Variants in NME8 observed in about 807,000 individuals in gnomAD.
NME8 encodes the protein NME/NM23 family member 8.
In NME8, 72 loss-of-function variants were observed where a neutral mutation model predicts 82.3. The observed-to-expected ratio is 0.87, with a 90% CI of 0.72 to 1.06. NME8 has a LOEUF of 1.06. NME8 is among the 50% of genes least tolerant of loss of function. The probability of loss-of-function intolerance (pLI) is 0.00; values close to 1 mark genes in which losing one functional copy is unlikely to be tolerated. For synonymous variants in NME8, 267 were observed against 228.5 expected (o/e 1.17, Z -1.52); for missense variants, 712 against 685.4 (o/e 1.04, Z -0.43).
chr7:37,875,232 C>A lies in NME8; in HGVS notation c.819-1600C>A, dbSNP rs149048848. On this transcript the variant is annotated intron_variant, in intron 11 of 17. Coordinates refer to ENST00000199447, the MANE Select transcript of NME8 (RefSeq NM_016616.5). ...GGGACAACTACATGCAATATATAATCCTGGATTAATATAAAAATTACTACA... is the reference window on the plus strand; with the variant it reads ...GGGACAACTACATGCAATATATAATACTGGATTAATATAAAAATTACTACA... Among the ~76,000 whole-genome samples, 153 of 152,100 alleles carry A rather than the reference C, an allele frequency of 1.0e-3. 1 individual carries two copies. The highest frequency in any genetic ancestry group is 3.5e-3 in the African/African-American group (147 of 41,498).
chr7:37,895,572 A>G lies in NME8; in HGVS notation c.1544+962A>G, dbSNP rs138494939. Among the ~76,000 whole-genome samples, 1,348 of 152,286 alleles carry G rather than the reference A, an allele frequency of 8.9e-3. 20 individuals carry two copies. Among genetic ancestry groups the G allele is most frequent in the African/African-American group, 0.031 (1,273 of 41,546 alleles). ...AGTTCATAATTATGTGAACATCATT[A>G]TCGATTTACTATGAGTTACATGTCT... On this transcript the variant is annotated intron_variant, in intron 16 of 17. Transcript: ENST00000199447.
chr7:37,879,126 T>TTATA lies in NME8; in HGVS notation c.994+2131_994+2134dup, dbSNP rs35685455. Among the ~76,000 whole-genome samples the TTATA allele has an allele frequency of 5.4e-3, 816 of 150,118 alleles. 8 individuals are homozygous for TTATA. The highest frequency in any genetic ancestry group is 0.018 in the African/African-American group (755 of 40,942). ...TATCATACAGTATATAGCCTTTTCA[T>TTATA]TATATATATATATATTTGTTTTTAT... On this transcript the variant is annotated intron_variant, in intron 12 of 17. Coordinates refer to ENST00000199447, the MANE Select transcript of NME8 (RefSeq NM_016616.5).
In NME8 at chr7:37,867,689, T is replaced by C; in HGVS notation, c.622-13T>C. ...GGAGCCTGAAGGAAACAGTTTATCA[T>C]TTTATTTTGTAGTGTGACTTCGAAG... On this transcript the variant is annotated splice_polypyrimidine_tract_variant and intron_variant, in intron 10 of 17. Transcript: ENST00000199447. 6.2e-7 allele frequency: 1 copy of C among 1,605,010 alleles called. No homozygotes were observed. Among genetic ancestry groups the C allele is most frequent in the Non-Finnish European group, 8.5e-7 (1 of 1,172,008 alleles).
At chr7:37,887,236 G>T (rs1302014096) in intron 14 of NME8, among the ~76,000 whole-genome samples, 1 of 152,140 alleles carries the variant, frequency 6.6e-6, no homozygotes, top group Non-Finnish European at 1.5e-5. Flanking sequence ...GGATGGTCTG[G>T]TATTATCAGC....
At chr7:37,853,443 AG>A (rs1039612231) in intron 5 of NME8, among the ~76,000 whole-genome samples, 1 of 152,192 alleles carries the variant, frequency 6.6e-6, no homozygotes, top group African/African-American at 2.4e-5. Context: ...TAGAGCCTAA[AG>A]GAGATTGCCA....
At chr7:37,877,288 T>G (rs1445506800) in intron 12 of NME8, among the ~76,000 whole-genome samples, 1 of 152,184 alleles carries the variant, frequency 6.6e-6, no homozygotes, top group Non-Finnish European at 1.5e-5. Context: ...ATGTCTGAAA[T>G]GCCCCAATTC....
In NME8 at chr7:37,882,613, G is replaced by GAGAGAGAAAGAA. The variant is rs1273553790; in HGVS notation, c.995-1687_995-1686insGAGAAAGAAAGA. Among the ~76,000 whole-genome samples, 302 of 85,044 alleles carry GAGAGAGAAAGAA rather than the reference G, an allele frequency of 3.6e-3. 2 individuals carry two copies. The highest frequency in any genetic ancestry group is 7.6e-3 in the African/African-American group (212 of 27,730). 55.8% of individuals were successfully genotyped at this position (85,044 alleles called of 152,430 possible). On this transcript the variant is annotated intron_variant, in intron 12 of 17. Coordinates refer to ENST00000199447, the MANE Select transcript of NME8 (RefSeq NM_016616.5). ...AAAGAAAGAAAGAGAGAGAGAGAGAGAGAAAGAAAGAAAGAAAGAAAGAAA... is the reference window on the plus strand; with the variant it reads ...AAAGAAAGAAAGAGAGAGAGAGAGAGAGAGAGAAAGAAAGAAAGAAAGAAAGAAAGAAAGAAA...
intron 5 of NME8, among the ~76,000 whole-genome samples, chr7:37,852,108 AC>A (rs1012129940): frequency 1.4e-5 from 2 of 144,398 alleles, no homozygotes; most frequent in Non-Finnish European, 3.1e-5. Context: ...GAAGGAATTG[AC>A]TTTTTTTTTT....
At chr7:37,855,672 C>T (rs770015039) in intron 5 of NME8, among the ~76,000 whole-genome samples, 2 of 152,130 alleles carry the variant, frequency 1.3e-5, no homozygotes, top group Admixed American at 6.6e-5. Flanking sequence ...TATTTTTTAA[C>T]CTTTTCAAAA....
chr7:37,863,478 T>G lies in NME8; in HGVS notation c.454+16T>G, dbSNP rs1361986018. The G allele has an allele frequency of 2.1e-5, 32 of 1,507,016 alleles. No individual in the cohort carries two copies. Among genetic ancestry groups the G allele is most frequent in the Non-Finnish European group, 2.9e-5 (31 of 1,082,866 alleles). 93.4% of individuals were successfully genotyped at this position (1,507,016 alleles called of 1,614,324 possible). ...GAAAGTGTTCGTAAGTAAATTTACT[T>G]CAAAGTAATCCAAGGGTTTTCTGTA... On this transcript the variant is annotated intron_variant, in intron 8 of 17. Transcript: ENST00000199447.
chr7:37,899,179 A>G (rs947075467), intron 17 of NME8, among the ~76,000 whole-genome samples: 2 of 152,232 alleles, frequency 1.3e-5, no homozygotes, highest in Non-Finnish European at 2.9e-5. Context: ...AAATCCCATT[A>G]CTGGATATAT....
intron 6 of NME8, among the ~76,000 whole-genome samples, chr7:37,861,559 A>G (rs1420204690): frequency 6.6e-6 from 1 of 152,146 alleles, no homozygotes; most frequent in Admixed American, 6.5e-5. Context: ...AAAAAAACCT[A>G]ATTAGGTCAG....
chr7:37,850,365 T>C lies in NME8; in HGVS notation c.34-13T>C. The stretch of plus-strand genomic sequence containing the variant: ...GTGCTTGAATACCTTTTACAGTGCC[T>C]TCCACTTTGCAGACAGTCATCAATA... On this transcript the variant is annotated splice_polypyrimidine_tract_variant and intron_variant, in intron 3 of 17. Transcript: ENST00000199447. The C allele has an allele frequency of 4.3e-6, 7 of 1,614,122 alleles. No individual in the cohort carries two copies. Among genetic ancestry groups the C allele is most frequent in the Non-Finnish European group, 5.9e-6 (7 of 1,179,966 alleles).
chr7:37,854,462 C>A, intron 5 of NME8, among the ~76,000 whole-genome samples: 1 of 151,920 alleles, frequency 6.6e-6, no homozygotes. Context: ...TATGGAAATA[C>A]GTGGTAATTT....
In NME8 at chr7:37,867,800, C is replaced by G. The variant is rs375200127; in HGVS notation, c.720C>G (p.Thr240=). The change falls in exon 11 of 18, where the codon ACC becomes ACG. Residue 240 remains threonine, a synonymous_variant. Coordinates refer to ENST00000199447, the MANE Select transcript of NME8 (RefSeq NM_016616.5). ...AACACAATCCTCCCTCTGAAGAAAC[C>G]GAACCACAGACTGACACCGAACCTA... ...GSKHNPPSEE[T]EPQTDTEPNE... 6.2e-7 allele frequency: 1 copy of G among 1,613,646 alleles called. No individual in the cohort carries two copies. Among genetic ancestry groups the G allele is most frequent in the East Asian group, 2.2e-5 (1 of 44,854 alleles).
At chr7:37,857,930 C>A (rs1784536964) in intron 6 of NME8, among the ~76,000 whole-genome samples, 1 of 152,152 alleles carries the variant, frequency 6.6e-6, no homozygotes, top group African/African-American at 2.4e-5. Flanking sequence ...GGCATAGTGG[C>A]TAACGCCTGT....
intron 8 of NME8, among the ~76,000 whole-genome samples, chr7:37,863,732 G>C (rs1435710083): frequency 6.6e-6 from 1 of 152,156 alleles, no homozygotes; most frequent in Non-Finnish European, 1.5e-5. Flanking sequence ...CTGGACAGCA[G>C]CTTCCTATTT....
rs186986657 is a variant in NME8, at chr7:37,851,274, A to C, written c.198+539A>C. Among the ~76,000 whole-genome samples, 4 of 152,342 alleles carry C rather than the reference A, an allele frequency of 2.6e-5. No homozygotes were observed. The East Asian group carries it at 7.7e-4, about 29-fold the overall frequency. On this transcript the variant is annotated intron_variant, in intron 5 of 17. Transcript: ENST00000199447. ...TTCGTTGTCCAACATGGTAGCTACT[A>C]GGCATAAGTGACTATGGAGCTCTTG...
chr7:37,891,869 A>G (rs771482880), intron 15 of NME8, among the ~76,000 whole-genome samples: 17 of 152,090 alleles, frequency 1.1e-4, no homozygotes, highest in East Asian at 1.9e-4. Flanking sequence ...TCTGCTTTAA[A>G]TGATATCCTA....
Sources: gnomAD v4.1 joint callset for allele counts (sites outside exome capture counted in the v4.1 genomes callset) on GRCh38, gnomAD v4.1.1 for gene constraint, MANE v1.5 for transcripts, NCBI Gene and HGNC (gene_info 2026-07-23, HGNC 2026-07-21) for gene names.